The following CELF2 variants were observed in gnomAD, a reference collection of about 807,000 sequenced individuals.
CELF2 encodes CUGBP Elav-like family member 2.
Under a neutral mutation model 62.6 loss-of-function variants are expected in CELF2, and 8 were observed. That is an observed-to-expected ratio of 0.13 (90% confidence interval 0.07 to 0.23). CELF2 has a LOEUF of 0.23. CELF2 is among the 10% of genes least tolerant of loss of function. The pLI is 1.00. For missense variants in CELF2, 333 were observed against 671.0 expected (o/e 0.50, Z 5.56); for synonymous variants, 258 against 250.0 (o/e 1.03, Z -0.30).
the CELF2 span, among the ~76,000 whole-genome samples, chr10:10,506,477 C>T: frequency 2.6e-5 from 4 of 152,032 alleles, no homozygotes; most frequent in African/African-American, 9.7e-5. Context: ...ACTTCACTGT[C>T]AAGAGACAAC....
intron 1 of CELF2, among the ~76,000 whole-genome samples, chr10:10,908,078 C>T (rs1449404370): frequency 3.3e-5 from 5 of 152,094 alleles, no homozygotes; most frequent in Admixed American, 1.3e-4. Flanking sequence ...TGATGCCGCC[C>T]GGCCTGCCCG....
the CELF2 span, among the ~76,000 whole-genome samples, chr10:10,693,540 A>G: frequency 6.6e-6 from 1 of 151,596 alleles, no homozygotes; most frequent in African/African-American, 2.4e-5. Context: ...TGAGTTAGGG[A>G]GGATTCCCTC....
the CELF2 span, among the ~76,000 whole-genome samples, chr10:10,784,880 C>A: frequency 1.6e-4 from 24 of 152,252 alleles, no homozygotes; most frequent in African/African-American, 5.5e-4. Flanking sequence ...GTACAGGTGG[C>A]TGATAGAGTT....
intron 1 of CELF2, among the ~76,000 whole-genome samples, chr10:10,857,925 G>A (rs955353572): frequency 2.0e-5 from 3 of 151,484 alleles, no homozygotes; most frequent in Non-Finnish European, 2.9e-5. Context: ...TTGTACAGAC[G>A]CTAATTTTTT....
chr10:10,822,488 A>G (rs1310548156), intron 1 of CELF2, among the ~76,000 whole-genome samples: 2 of 152,238 alleles, frequency 1.3e-5, no homozygotes, highest in Non-Finnish European at 2.9e-5. Flanking sequence ...TTGAGGCATG[A>G]TATTATTTTT....
At chr10:11,001,953 A>G (rs2054559144), upstream of CELF2, among the ~76,000 whole-genome samples, 1 of 152,204 alleles carries the variant, frequency 6.6e-6, no homozygotes, top group African/African-American at 2.4e-5. Flanking sequence ...TTTGAAAGGA[A>G]TTGCTTTGAT....
the CELF2 span, among the ~76,000 whole-genome samples, chr10:10,735,571 C>T: frequency 6.6e-6 from 1 of 152,128 alleles, no homozygotes; most frequent in East Asian, 1.9e-4. Context: ...TGGGGGAAAA[C>T]TAGAGTTGAA....
chr10:11,160,053 G>A (rs985588719), intron 1 of CELF2, among the ~76,000 whole-genome samples: 1 of 152,240 alleles, frequency 6.6e-6, no homozygotes, highest in Admixed American at 6.5e-5. Flanking sequence ...CCTGCAGCCT[G>A]TGTCACCTGT....
At chr10:10,887,755 T>C (rs1422657032) in intron 1 of CELF2, among the ~76,000 whole-genome samples, 2 of 152,052 alleles carry the variant, frequency 1.3e-5, no homozygotes, top group African/African-American at 4.8e-5. Flanking sequence ...GAAAATGCAA[T>C]TGTTCTGTGT....
At chr10:11,307,495 G>C (rs36090777) in intron 9 of CELF2, among the ~76,000 whole-genome samples, 13,228 of 152,272 alleles carry the variant, frequency 0.087, 665 homozygotes, top group Non-Finnish European at 0.11. Context: ...ATATCATTTT[G>C]TCTGTTCTGT....
chr10:11,281,762 T>C (rs2088892801), intron 8 of CELF2, among the ~76,000 whole-genome samples: 1 of 152,166 alleles, frequency 6.6e-6, no homozygotes, highest in Non-Finnish European at 1.5e-5. Context: ...TATATGTATG[T>C]TAATTGCCAA....
At chr10:10,746,205 A>G in the CELF2 span, among the ~76,000 whole-genome samples, 11 of 152,196 alleles carry the variant, frequency 7.2e-5, no homozygotes, top group African/African-American at 2.4e-4. Flanking sequence ...TGTTATTATG[A>G]AGATGGAATA....
intron 1 of CELF2, among the ~76,000 whole-genome samples, chr10:11,034,899 T>C (rs1004599730): frequency 6.6e-6 from 1 of 152,176 alleles, no homozygotes; most frequent in Non-Finnish European, 1.5e-5. Flanking sequence ...TGCAGCCACT[T>C]GATTGACATT....
intron 2 of CELF2, among the ~76,000 whole-genome samples, chr10:10,937,155 C>T (rs1300983417): frequency 7.7e-6 from 1 of 130,078 alleles, no homozygotes; most frequent in Non-Finnish European, 1.5e-5. Context: ...GTGACAGAGC[C>T]TCGGTCTGTT....
rs554292667 is a variant in CELF2, at chr10:11,123,521, A to G, written c.75-41965A>G. Reference sequence around the variant, plus strand: ...CACCTCAGCCTCCCAAAGTGCTGAGATTATAGGTGTGAGCCACCATGCCCG... The same window carrying G: ...CACCTCAGCCTCCCAAAGTGCTGAGGTTATAGGTGTGAGCCACCATGCCCG... On this transcript the variant is annotated intron_variant, in intron 1 of 12. Transcript: ENST00000633077. 2.0e-5 allele frequency among the ~76,000 whole-genome samples: 3 copies of G among 152,310 alleles called. No homozygotes were observed. In the South Asian group the frequency reaches 6.2e-4, roughly 32 times the overall value.
rs1295531195 is a variant in CELF2, at chr10:11,247,424, T to G, written c.355-1729T>G. Among the ~76,000 whole-genome samples, 2 of 152,218 alleles carry G rather than the reference T, an allele frequency of 1.3e-5. No individual in the cohort carries two copies. Among genetic ancestry groups the G allele is most frequent in the Non-Finnish European group, 1.5e-5 (1 of 68,038 alleles). On this transcript the variant is annotated intron_variant, in intron 3 of 12. Transcript: ENST00000633077. The surrounding 1 kb of genome is among the most constrained non-coding windows in gnomAD (Gnocchi z 5.4). Reference sequence around the variant, plus strand: ...CTTCAGTGCTCGCACGTCCAAGGACTCGGCCCAGATGCAGCCTTGGCTTTC... The same window carrying G: ...CTTCAGTGCTCGCACGTCCAAGGACGCGGCCCAGATGCAGCCTTGGCTTTC...
At chr10:11,301,548 C>A (rs796579883) in intron 9 of CELF2, among the ~76,000 whole-genome samples, 110 of 132,368 alleles carry the variant, frequency 8.3e-4, no homozygotes, top group African/African-American at 3.1e-3. Context: ...GCCCCCGGCC[C>A]CGACTCCCGT....
chr10:11,235,963 A>G (rs891231129), intron 3 of CELF2, among the ~76,000 whole-genome samples: 2 of 152,230 alleles, frequency 1.3e-5, no homozygotes, highest in African/African-American at 4.8e-5. Flanking sequence ...ATGAATGGAA[A>G]AAGATTGCTG....
chr10:10,533,825 G>A, the CELF2 span, among the ~76,000 whole-genome samples: 1 of 152,196 alleles, frequency 6.6e-6, no homozygotes, highest in Non-Finnish European at 1.5e-5. Flanking sequence ...GTAGAGAATT[G>A]GAGTCCAGGA....
Sources: allele counts gnomAD v4.1 joint callset (sites outside exome capture counted in the v4.1 genomes callset), GRCh38; gene constraint gnomAD v4.1.1; non-coding constraint Gnocchi (gnomAD v3.1); transcripts MANE v1.5; gene names NCBI Gene and HGNC (gene_info 2026-07-23, HGNC 2026-07-21).